Variants in MCCC1 observed in about 807,000 individuals in gnomAD.
MCCC1 encodes the protein methylcrotonoyl-CoA carboxylase subunit alpha, mitochondrial.
A neutral mutation model predicts 83.8 loss-of-function variants in MCCC1; 64 were observed. That is an observed-to-expected ratio of 0.76 (90% confidence interval 0.62 to 0.94). MCCC1 has a LOEUF of 0.94. Among genes scored for constraint, MCCC1 ranks in the 40% least tolerant of loss-of-function variants. The pLI, the probability that MCCC1 is intolerant of heterozygous loss-of-function variation, is 0.00. For missense variants in MCCC1, 807 were observed against 904.7 expected (o/e 0.89, Z 1.39); for synonymous variants, 322 against 315.4 (o/e 1.02, Z -0.22).
chr3:183,042,488 C>T (rs1453624488), intron 10 of MCCC1, among the ~76,000 whole-genome samples: 1 of 152,122 alleles, frequency 6.6e-6, no homozygotes, highest in African/African-American at 2.4e-5. Flanking sequence ...AAATGACAAC[C>T]TGAGAAAGCA....
At chr3:183,060,317 T>C (rs1184289159) in intron 7 of MCCC1, among the ~76,000 whole-genome samples, 1 of 152,226 alleles carries the variant, frequency 6.6e-6, no homozygotes, top group African/African-American at 2.4e-5. Context: ...TAATCCACAA[T>C]GGAAAGTTGA....
chr3:183,068,933 ACT>A (rs748701024), intron 7 of MCCC1, among the ~76,000 whole-genome samples: 28 of 152,156 alleles, frequency 1.8e-4, no homozygotes, highest in Non-Finnish European at 3.8e-4. Flanking sequence ...GTGTAAGGAC[ACT>A]CTATGATGTG....
intron 4 of MCCC1, among the ~76,000 whole-genome samples, chr3:183,085,553 T>C (rs1177612527): frequency 6.8e-6 from 1 of 147,256 alleles, no homozygotes; most frequent in Admixed American, 7.0e-5. Context: ...CACTTGAGCC[T>C]GGGTGTTGGA....
intron 17 of MCCC1, 63 bp from the exon 18 acceptor site, chr3:183,017,400 C>T: frequency 2.8e-6 from 4 of 1,446,858 alleles, no homozygotes; most frequent in East Asian, 2.3e-5. Context: ...TGTTCATCTG[C>T]TTCATTATAG....
chr3:183,079,612 G>A (rs998219600), intron 4 of MCCC1, among the ~76,000 whole-genome samples: 2 of 152,158 alleles, frequency 1.3e-5, no homozygotes, highest in African/African-American at 4.8e-5. Context: ...GGTACATGGT[G>A]CAAGCTGTTG....
At chr3:183,042,890 T>C (rs1714221748) in intron 10 of MCCC1, among the ~76,000 whole-genome samples, 1 of 152,238 alleles carries the variant, frequency 6.6e-6, no homozygotes, top group African/African-American at 2.4e-5. Context: ...TTACTGGGTA[T>C]ATACCCAAAG....
intron 17 of MCCC1, among the ~76,000 whole-genome samples, chr3:183,018,088 G>A (rs985979465): frequency 7.3e-5 from 11 of 151,616 alleles, no homozygotes; most frequent in African/African-American, 2.7e-4. Context: ...AAATGTACTC[G>A]TCAAATAAGA....
chr3:183,090,416 G>A (rs574753389), intron 3 of MCCC1, among the ~76,000 whole-genome samples: 1 of 152,160 alleles, frequency 6.6e-6, no homozygotes, highest in South Asian at 2.1e-4. Context: ...TATTAATACT[G>A]TTAACTGACA....
At chr3:183,024,386 T>G (rs927629237) in intron 15 of MCCC1, among the ~76,000 whole-genome samples, 4 of 152,220 alleles carry the variant, frequency 2.6e-5, no homozygotes, top group African/African-American at 9.6e-5. Flanking sequence ...TAATGGAATG[T>G]GTACTTGTGA....
intron 4 of MCCC1, among the ~76,000 whole-genome samples, chr3:183,073,638 A>G (rs1716856413): frequency 6.6e-6 from 1 of 152,252 alleles, no homozygotes; most frequent in South Asian, 2.1e-4. Context: ...CCCTGTGGCC[A>G]TAAGTTTTGC....
At chr3:183,112,512 T>A (rs1334379891) in intron 1 of MCCC1, among the ~76,000 whole-genome samples, 2 of 152,224 alleles carry the variant, frequency 1.3e-5, no homozygotes, top group Non-Finnish European at 2.9e-5. Context: ...AAAAAACCTT[T>A]TATTATGGAA....
chr3:183,028,427 A>C (rs1259372169), intron 14 of MCCC1, among the ~76,000 whole-genome samples: 1 of 152,222 alleles, frequency 6.6e-6, no homozygotes, highest in Non-Finnish European at 1.5e-5. Flanking sequence ...CCACGGATCA[A>C]GGAGTAATTT....
chr3:183,099,708 TCTGA>T (rs1719030373), upstream of MCCC1: 3 of 573,240 alleles, frequency 5.2e-6, no homozygotes, highest in Admixed American at 6.1e-5. Flanking sequence ...TGGGGCCTGC[TCTGA>T]CTAAGGCAAG....
intron 7 of MCCC1, among the ~76,000 whole-genome samples, chr3:183,070,115 T>C (rs1300608830): frequency 1.3e-5 from 2 of 152,242 alleles, no homozygotes; most frequent in Non-Finnish European, 2.9e-5. Flanking sequence ...TTATTTAGCA[T>C]GTGTAAAATA....
At position 183,015,357 on chromosome 3, in the gene MCCC1, AC is replaced by A; in HGVS notation, c.*80del. 6.8e-7 allele frequency: 1 copy of A among 1,470,344 alleles called. No individual in the cohort carries two copies. The highest frequency in any genetic ancestry group is 9.5e-7 in the Non-Finnish European group (1 of 1,050,180). The allele number at this position is 1,470,344 out of a possible 1,614,324, so 91.1% of individuals were successfully genotyped here. On this transcript the variant is annotated 3_prime_UTR_variant, in exon 19 of 19. Transcript: ENST00000265594. ...ATTTAGTAAAACTGCTCTTTATGAG[AC>A]CCCCAGAAAAGCTGGAGGCACTTCC...
intron 17 of MCCC1, chr3:183,017,775 C>T: frequency 5.0e-6 from 1 of 201,858 alleles, no homozygotes. Context: ...CAGAGGCCTA[C>T]AGCCCAAATG....
intron 17 of MCCC1, among the ~76,000 whole-genome samples, chr3:183,019,469 T>G (rs989857647): frequency 6.6e-6 from 1 of 152,188 alleles, no homozygotes; most frequent in African/African-American, 2.4e-5. Context: ...CCCTTGTCCC[T>G]TCCACCACGT....
At chr3:183,038,909 G>T in intron 12 of MCCC1, 117 bp downstream of exon 12, 1 of 915,200 alleles carries the variant, frequency 1.1e-6, no homozygotes. Context: ...TTTTGTTTGG[G>T]CAATTGATGG....
At chr3:183,024,141 T>G (rs1436323062) in intron 15 of MCCC1, among the ~76,000 whole-genome samples, 5 of 151,992 alleles carry the variant, frequency 3.3e-5, no homozygotes. Flanking sequence ...TCCCAGTTAC[T>G]TGGGAGGCTG....
Sources: gnomAD v4.1 joint callset for allele counts (sites outside exome capture counted in the v4.1 genomes callset) on GRCh38, gnomAD v4.1.1 for gene constraint, MANE v1.5 for transcripts, NCBI Gene and HGNC (gene_info 2026-07-23, HGNC 2026-07-21) for gene names.